MEMO1: variants seen among roughly 807,000 people sequenced by gnomAD.
MEMO1 encodes the protein mediator of cell motility 1.
MEMO1 carries 6 observed loss-of-function variants against 45.2 expected under a neutral mutation model. The observed-to-expected ratio is 0.13, with a 90% CI of 0.07 to 0.26. The LOEUF (loss-of-function observed/expected upper bound fraction) is 0.26. Among genes scored for constraint, MEMO1 ranks in the 10% least tolerant of loss-of-function variants. The probability of loss-of-function intolerance (pLI) is 1.00; values close to 1 mark genes in which losing one functional copy is unlikely to be tolerated. For missense variants in MEMO1, 184 were observed against 370.5 expected, an observed-to-expected ratio of 0.50 and a Z score of 4.13; for synonymous variants, 78 against 124.3, an observed-to-expected ratio of 0.63 and a Z score of 2.48.
intron 2 of MEMO1, among the ~76,000 whole-genome samples, chr2:31,943,868 G>C (rs917875196): frequency 6.6e-6 from 1 of 152,096 alleles, no homozygotes; most frequent in Non-Finnish European, 1.5e-5. Context: ...TCGATAACCA[G>C]TAACTACGCT....
chr2:31,964,816 T>A (rs191388553), intron 2 of MEMO1, among the ~76,000 whole-genome samples: 254 of 152,318 alleles, frequency 1.7e-3, no homozygotes, highest in Non-Finnish European at 2.3e-3. Flanking sequence ...TGTGGTTATG[T>A]TTTAAATTTT....
intron 2 of MEMO1, among the ~76,000 whole-genome samples, chr2:31,946,448 C>A (rs1020981171): frequency 6.6e-6 from 1 of 152,136 alleles, no homozygotes; most frequent in Non-Finnish European, 1.5e-5. Context: ...AATTTAAGAA[C>A]AGTTACCAAA....
chr2:31,911,358 G>T (rs1404816097), intron 6 of MEMO1, among the ~76,000 whole-genome samples: 2 of 152,116 alleles, frequency 1.3e-5, no homozygotes, highest in African/African-American at 2.4e-5. Context: ...GTGGTTACTA[G>T]GCACTCAGGG....
intron 7 of MEMO1, among the ~76,000 whole-genome samples, chr2:31,884,039 T>G (rs1336258792): frequency 6.6e-6 from 1 of 151,822 alleles, no homozygotes; most frequent in East Asian, 1.9e-4. Flanking sequence ...GTGAACAGAA[T>G]ACACAAAAGG....
chr2:31,881,002 T>A (rs1409651830), intron 8 of MEMO1, among the ~76,000 whole-genome samples: 2 of 151,330 alleles, frequency 1.3e-5, no homozygotes, highest in African/African-American at 4.9e-5. Context: ...CCAGCCTGGG[T>A]GACAGAGGGA....
chr2:32,009,046 T>C (rs1257149052), intron 2 of MEMO1, among the ~76,000 whole-genome samples: 1 of 152,158 alleles, frequency 6.6e-6, no homozygotes, highest in Non-Finnish European at 1.5e-5. Context: ...GGAATCACAG[T>C]AGAACTGTCT....
intron 2 of MEMO1, among the ~76,000 whole-genome samples, chr2:31,958,066 G>T (rs774278236): frequency 6.6e-6 from 1 of 152,112 alleles, no homozygotes; most frequent in Non-Finnish European, 1.5e-5. Context: ...TGGGAAATGG[G>T]CATGCCAGGT....
chr2:31,971,000 T>A lies in MEMO1; in HGVS notation c.62-27617A>T, dbSNP rs141813976. 6.6e-5 allele frequency among the ~76,000 whole-genome samples: 10 copies of A among 152,270 alleles called. No homozygotes were observed. The East Asian group carries it at 1.7e-3, about 26-fold the overall frequency. On this transcript the variant is annotated intron_variant, in intron 2 of 9. Transcript: ENST00000404530. ...GCCTGGGTGACAGAGCGAGACTCCATCTCAAAATAAAACAAAGATATTTCA... is the reference window on the plus strand; with the variant it reads ...GCCTGGGTGACAGAGCGAGACTCCAACTCAAAATAAAACAAAGATATTTCA...
At chr2:31,924,174 G>GAAAA (rs1185662110) in intron 4 of MEMO1, among the ~76,000 whole-genome samples, 3 of 152,080 alleles carry the variant, frequency 2.0e-5, no homozygotes, top group Non-Finnish European at 2.9e-5. Context: ...AAAGTAAAAT[G>GAAAA]GGACATTTAA....
At chr2:31,966,559 C>A (rs983686910) in intron 2 of MEMO1, among the ~76,000 whole-genome samples, 1 of 151,916 alleles carries the variant, frequency 6.6e-6, no homozygotes, top group East Asian at 1.9e-4. Context: ...GAGGAAACCC[C>A]CTTTCTACCA....
At chr2:31,955,193 CAAAAAAAAAAA>C (rs1667274957) in intron 2 of MEMO1, among the ~76,000 whole-genome samples, 1 of 136,650 alleles carries the variant, frequency 7.3e-6, no homozygotes, top group African/African-American at 2.7e-5. Context: ...GACCCTGTCT[CAAAAAAAAAAA>C]CAAAAAACAA....
Position 31,884,326 on chromosome 2 carries a change from A to C in MEMO1, c.581-864T>G, listed in dbSNP as rs138623484. Among the ~76,000 whole-genome samples, 1,473 of 152,266 alleles carry C rather than the reference A, an allele frequency of 9.7e-3. 27 individuals carry two copies. The highest frequency in any genetic ancestry group is 0.047 in the South Asian group (229 of 4,824). ...TTCAGATACACCTAAATCTTTTAGC[A>C]GTGCCTTTTTTCTAAGAACTCATTA... On this transcript the variant is annotated intron_variant, in intron 7 of 9. Transcript: ENST00000404530.
intron 2 of MEMO1, among the ~76,000 whole-genome samples, chr2:32,006,795 T>C (rs959109123): frequency 6.6e-6 from 1 of 151,788 alleles, no homozygotes. Context: ...TGAAACCCCA[T>C]CTCTACTAAA....
chr2:31,904,215 T>G (rs1268781387), intron 6 of MEMO1, among the ~76,000 whole-genome samples: 2 of 152,256 alleles, frequency 1.3e-5, no homozygotes, highest in African/African-American at 4.8e-5. Flanking sequence ...TTGGTTAGCA[T>G]CTGTGAATTT....
chr2:31,955,461 A>G (rs1251952679), intron 2 of MEMO1, among the ~76,000 whole-genome samples: 1 of 152,170 alleles, frequency 6.6e-6, no homozygotes, highest in East Asian at 1.9e-4. Flanking sequence ...GCTTTTCCAA[A>G]TAACACTGAT....
intron 2 of MEMO1, among the ~76,000 whole-genome samples, chr2:31,997,295 GAAGAA>G (rs976945359): frequency 1.2e-4 from 18 of 152,250 alleles, no homozygotes; most frequent in African/African-American, 4.1e-4. Flanking sequence ...CAAGCAACCT[GAAGAA>G]AAGACACACT....
At chr2:31,950,608 A>G (rs1311489261) in intron 2 of MEMO1, among the ~76,000 whole-genome samples, 1 of 151,318 alleles carries the variant, frequency 6.6e-6, no homozygotes, top group Non-Finnish European at 1.5e-5. Flanking sequence ...CTGTAATCCC[A>G]GATTTGGGAG....
intron 6 of MEMO1, among the ~76,000 whole-genome samples, chr2:31,893,798 A>G (rs575845059): frequency 2.6e-5 from 4 of 152,176 alleles, no homozygotes; most frequent in Non-Finnish European, 2.9e-5. Flanking sequence ...ACACATGTCT[A>G]CTCTCCACAA....
intron 6 of MEMO1, among the ~76,000 whole-genome samples, chr2:31,916,537 T>G (rs765182726): frequency 3.9e-5 from 6 of 152,206 alleles, no homozygotes; most frequent in Non-Finnish European, 2.9e-5. Context: ...AGTATTAGTA[T>G]TTATTAAGTC....
Sources: allele counts gnomAD v4.1 joint callset (sites outside exome capture counted in the v4.1 genomes callset), GRCh38; gene constraint gnomAD v4.1.1; transcripts MANE v1.5; gene names NCBI Gene and HGNC (gene_info 2026-07-23, HGNC 2026-07-21).